Variants in RANBP2 observed in about 807,000 individuals in gnomAD.
RANBP2 encodes the protein E3 SUMO-protein ligase RanBP2.
RANBP2 carries 57 observed loss-of-function variants against 303.6 expected under a neutral mutation model. That is an observed-to-expected ratio of 0.19 (90% CI 0.15 to 0.23). The LOEUF is 0.23. RANBP2 is among the 10% of genes least tolerant of loss of function. The pLI, the probability that RANBP2 is intolerant of heterozygous loss-of-function variation, is 1.00. For missense variants in RANBP2, 3,138 were observed against 3,780.8 expected, an observed-to-expected ratio of 0.83 and a Z score of 4.46; for synonymous variants, 1,167 against 1,301.5, an observed-to-expected ratio of 0.90 and a Z score of 2.23.
At chr2:109,423,881 C>T in the RANBP2 span, among the ~76,000 whole-genome samples, 1 of 152,174 alleles carries the variant, frequency 6.6e-6, no homozygotes, top group South Asian at 2.1e-4. Flanking sequence ...AGAGAGGGCA[C>T]AGCTGGGACC....
At chr2:109,676,472 T>C in the RANBP2 span, among the ~76,000 whole-genome samples, 1 of 152,352 alleles carries the variant, frequency 6.6e-6, no homozygotes. Flanking sequence ...TCAGTGTTGT[T>C]GAGCAAACTT....
chr2:109,253,574 G>A, the RANBP2 span, among the ~76,000 whole-genome samples: 1 of 152,252 alleles, frequency 6.6e-6, no homozygotes, highest in South Asian at 2.1e-4. Context: ...AGATGTTGAG[G>A]CAGCAAATTC....
At chr2:109,047,948 G>C in the RANBP2 span, among the ~76,000 whole-genome samples, 1 of 152,206 alleles carries the variant, frequency 6.6e-6, no homozygotes, top group Non-Finnish European at 1.5e-5. Context: ...AACTAGGCTG[G>C]CCTGTGGCCC....
chr2:109,531,558 G>A, the RANBP2 span, among the ~76,000 whole-genome samples: 1 of 152,118 alleles, frequency 6.6e-6, no homozygotes, highest in Non-Finnish European at 1.5e-5. Flanking sequence ...ATCAGTCTGG[G>A]CATGACTTTC....
the RANBP2 span, among the ~76,000 whole-genome samples, chr2:109,472,336 C>G: frequency 6.6e-6 from 1 of 152,098 alleles, no homozygotes; most frequent in East Asian, 1.9e-4. Flanking sequence ...CACCTGCACT[C>G]TCGGTGGTCT....
the RANBP2 span, among the ~76,000 whole-genome samples, chr2:109,727,237 G>A: frequency 6.6e-6 from 1 of 152,134 alleles, no homozygotes; most frequent in Non-Finnish European, 1.5e-5. Flanking sequence ...ACAACGAACT[G>A]TTTACCTATG....
chr2:109,504,084 C>G, the RANBP2 span: 9 of 152,352 alleles, frequency 5.9e-5, no homozygotes, highest in African/African-American at 2.2e-4. Flanking sequence ...ATTTTAAACT[C>G]GTTCAGGCCC....
At chr2:109,432,729 C>A in the RANBP2 span, 1 of 1,553,750 alleles carries the variant, frequency 6.4e-7, no homozygotes, top group East Asian at 2.3e-5. Context: ...GCACGCCTTA[C>A]CGCTGTTGTT....
the RANBP2 span, among the ~76,000 whole-genome samples, chr2:109,599,821 A>C: frequency 6.6e-6 from 1 of 152,088 alleles, no homozygotes; most frequent in Non-Finnish European, 1.5e-5. Flanking sequence ...TTTTAAAATT[A>C]CTCCTCCTAA....
At chr2:109,679,759 A>G in the RANBP2 span, among the ~76,000 whole-genome samples, 2,686 of 152,302 alleles carry the variant, frequency 0.018, 34 homozygotes, top group Non-Finnish European at 0.025. Flanking sequence ...CTACTCAAAC[A>G]GAATGCAAGG....
At chr2:109,385,138 A>T in the RANBP2 span, among the ~76,000 whole-genome samples, 1 of 152,090 alleles carries the variant, frequency 6.6e-6, no homozygotes, top group Non-Finnish European at 1.5e-5. Context: ...TTGGCATCAG[A>T]CAGTCGAGCA....
chr2:108,949,877 T>C, the RANBP2 span, among the ~76,000 whole-genome samples: 6 of 152,226 alleles, frequency 3.9e-5, no homozygotes, highest in Admixed American at 3.9e-4. Flanking sequence ...CTCCGAGTAA[T>C]ATGTCCCTTC....
the RANBP2 span, among the ~76,000 whole-genome samples, chr2:109,256,016 A>G: frequency 6.6e-6 from 1 of 152,128 alleles, no homozygotes; most frequent in Non-Finnish European, 1.5e-5. Context: ...ATGTAAATGT[A>G]CATACTCTCT....
chr2:109,082,005 T>C, the RANBP2 span, among the ~76,000 whole-genome samples: 1 of 152,236 alleles, frequency 6.6e-6, no homozygotes, highest in Non-Finnish European at 1.5e-5. Flanking sequence ...GGCATGCTGC[T>C]GTGGACTCCA....
chr2:109,392,663 C>T, the RANBP2 span, among the ~76,000 whole-genome samples: 1 of 152,128 alleles, frequency 6.6e-6, no homozygotes, highest in East Asian at 1.9e-4. Flanking sequence ...GGACTACAGG[C>T]GCCTGCCACC....
At chr2:108,990,380 G>A in the RANBP2 span, among the ~76,000 whole-genome samples, 8 of 146,464 alleles carry the variant, frequency 5.5e-5, no homozygotes, top group South Asian at 2.1e-4. Flanking sequence ...GCAGTGAGCC[G>A]AGATTGCGCC....
At chr2:109,297,783 C>T in the RANBP2 span, among the ~76,000 whole-genome samples, 3 of 151,676 alleles carry the variant, frequency 2.0e-5, no homozygotes, top group Non-Finnish European at 4.4e-5. Context: ...CAGTCATTGC[C>T]CCCAACTAGG....
At chr2:109,225,733 A>T in the RANBP2 span, among the ~76,000 whole-genome samples, 1 of 152,228 alleles carries the variant, frequency 6.6e-6, no homozygotes, top group African/African-American at 2.4e-5. Flanking sequence ...AAATTTTAAG[A>T]TTTATTTTTA....
chr2:108,983,990 G>T, the RANBP2 span, among the ~76,000 whole-genome samples: 1 of 152,234 alleles, frequency 6.6e-6, no homozygotes, highest in African/African-American at 2.4e-5. Context: ...CTGCAAGGGG[G>T]GCGACGGCGA....
Sources: allele counts gnomAD v4.1 joint callset (sites outside exome capture counted in the v4.1 genomes callset), GRCh38; gene constraint gnomAD v4.1.1; transcripts MANE v1.5; gene names NCBI Gene and HGNC (gene_info 2026-07-23, HGNC 2026-07-21).